Variants in TBX10 observed in about 807,000 individuals in gnomAD.
TBX10 encodes the protein T-box transcription factor 10, also known as T-box transcription factor TBX10.
In TBX10, 26 loss-of-function variants were observed where a neutral mutation model predicts 32.4. The ratio of observed to expected loss-of-function variants is 0.80; its 90% confidence interval spans 0.59 to 1.11. TBX10 has a LOEUF of 1.11. Ranked by LOEUF, TBX10 falls within the 50% of genes most tolerant of loss-of-function variation. The probability of loss-of-function intolerance (pLI) is 0.00; values close to 1 mark genes in which losing one functional copy is unlikely to be tolerated. For synonymous variants in TBX10, 195 were observed against 203.1 expected (o/e 0.96, Z 0.34); for missense variants, 490 against 494.5 (o/e 0.99, Z 0.09).
intron 1 of TBX10, among the ~76,000 whole-genome samples, chr11:67,637,452 T>G (rs1025541731): frequency 6.6e-6 from 1 of 152,222 alleles, no homozygotes; most frequent in African/African-American, 2.4e-5. Flanking sequence ...TAACCTGACG[T>G]GTCCACCCTA....
At chr11:67,636,075 T>C (rs1188392320) in intron 1 of TBX10, among the ~76,000 whole-genome samples, 2 of 44,926 alleles carry the variant, frequency 4.5e-5, no homozygotes, top group Non-Finnish European at 1.4e-4. Context: ...TAGAACTCCT[T>C]TTTTTTTTTT....
chr11:67,631,648 G>C lies in TBX10; in HGVS notation c.1115C>G (p.Ser372Cys). The C allele has an allele frequency of 1.9e-6, 3 of 1,604,970 alleles. No homozygotes were observed. Among genetic ancestry groups the C allele is most frequent in the Non-Finnish European group, 2.5e-6 (3 of 1,177,848 alleles). ...AGGCCCCAGGCACACCACAGTGGGG[G>C]ACAGGAGCCCCAGCCCAGCTGGGAG... ...LPLPAGLGLL[S>C]PTVVCLGPGQ... is the part of the protein sequence containing the mutation. The change falls in exon 8 of 8, where the codon TCC becomes TGC. Residue 372 changes from serine (S) to cysteine (C), a missense_variant. Transcript: ENST00000335385.
In TBX10 at chr11:67,639,665, G is replaced by A. The variant is rs1426581981; in HGVS notation, c.-193C>T. On this transcript the variant is annotated 5_prime_UTR_variant, in exon 1 of 8. In the 5' UTR this introduces an upstream ATG that the reference lacks. Transcript: ENST00000335385. ...CGCCCTTCGTCCACGTCCTGAGGTCGTGGTCTTCCTACTCGAGCTGGACCC... is the reference window on the plus strand; with the variant it reads ...CGCCCTTCGTCCACGTCCTGAGGTCATGGTCTTCCTACTCGAGCTGGACCC... The A allele has an allele frequency of 1.5e-5, 11 of 727,602 alleles. No individual in the cohort carries two copies. Among genetic ancestry groups the A allele is most frequent in the East Asian group, 8.2e-5 (3 of 36,758 alleles). 45.1% of individuals were successfully genotyped at this position (727,602 alleles called of 1,614,324 possible).
Position 67,632,425 on chromosome 11 carries a change from G to T in TBX10, c.774-13C>A. 1 of 1,608,636 alleles carries T rather than the reference G, an allele frequency of 6.2e-7. No homozygotes were observed. Among genetic ancestry groups the T allele is most frequent in the Non-Finnish European group, 8.5e-7 (1 of 1,177,438 alleles). Reference sequence around the variant, plus strand: ...TGGGGCCACAGGCCTGAAAGAGCAAGCGAGAATGGGGGGAGGGGATCAAGG... The same window carrying T: ...TGGGGCCACAGGCCTGAAAGAGCAATCGAGAATGGGGGGAGGGGATCAAGG... On this transcript the variant is annotated splice_polypyrimidine_tract_variant and intron_variant, in intron 6 of 7. Coordinates refer to ENST00000335385, the MANE Select transcript of TBX10 (RefSeq NM_005995.5).
At chr11:67,635,708 G>A (rs1320082431) in intron 1 of TBX10, among the ~76,000 whole-genome samples, 1 of 152,014 alleles carries the variant, frequency 6.6e-6, no homozygotes. Context: ...AGGGGGCAGG[G>A]GTCTTCCCCA....
chr11:67,631,788 G>T lies in TBX10; in HGVS notation c.975C>A (p.Val325=). 1 of 1,599,300 alleles carries T rather than the reference G, an allele frequency of 6.3e-7. No homozygotes were observed. Among genetic ancestry groups the T allele is most frequent in the Non-Finnish European group, 8.5e-7 (1 of 1,173,434 alleles). Residue 325 remains valine (V), a synonymous_variant, in exon 8 of 8, where the codon GTC becomes GTA. Transcript: ENST00000335385. ...CTCCAGAGTACAGGCTCTGATACGT[G>T]ACAGGCCTGTAGGTGGCCGGGGCCA... ...VLLAPATYRP[V]TYQSLYSGAP...
rs1335982182 is a variant in TBX10 at position 67,631,441 on chromosome 11, C to G, written c.*164G>C. ...GTCCTGGTTCCAAGCTTGCCATGGT[C>G]CCAGCCTTGCTGTGACCCTGGGCAG... is the stretch of plus-strand genomic sequence containing the variant. On this transcript the variant is annotated 3_prime_UTR_variant, in exon 8 of 8. Transcript: ENST00000335385. 1.1e-6 allele frequency: 1 copy of G among 881,044 alleles called. No homozygotes were observed. The highest frequency in any genetic ancestry group is 1.7e-5 in the African/African-American group (1 of 59,572). The allele number at this position is 881,044 out of a possible 1,614,324, so 54.6% of individuals were successfully genotyped here. A position where few individuals can be genotyped will look rare whatever the true frequency, so the allele number is the denominator to read the frequency against.
At chr11:67,639,393 T>TTCCCCCCCGCCCCCC in intron 1 of TBX10, 73 bp downstream of exon 1, 1 of 726,926 alleles carries the variant, frequency 1.4e-6, no homozygotes, top group Non-Finnish European at 2.5e-6. Context: ...CTGTCTTGGT[T>TTCCCCCCCGCCCCCC]CCCACCCTGC....
chr11:67,640,688 C>T (rs930234102), upstream of TBX10, among the ~76,000 whole-genome samples: 18 of 152,162 alleles, frequency 1.2e-4, no homozygotes, highest in African/African-American at 3.6e-4. Flanking sequence ...CAGAGTGGGT[C>T]GTCTGGCTGG....
At position 67,632,500 on chromosome 11, in the gene TBX10, A is replaced by G. The variant is rs988518712; in HGVS notation, c.774-88T>C. ...GGCCAGCTTCAGATGGTGGGGCCCCAGGATGGGTCAGAGGGTGTGACCCTG... is the reference window on the plus strand; with the variant it reads ...GGCCAGCTTCAGATGGTGGGGCCCCGGGATGGGTCAGAGGGTGTGACCCTG... On this transcript the variant is annotated intron_variant, in intron 6 of 7. Transcript: ENST00000335385. The G allele has an allele frequency of 3.8e-6, 6 of 1,582,216 alleles. No individual in the cohort carries two copies. The African/African-American group carries it at 8.1e-5, about 21-fold the overall frequency.
At chr11:67,640,115 C>A (rs1453248706), upstream of TBX10, among the ~76,000 whole-genome samples, 1 of 151,956 alleles carries the variant, frequency 6.6e-6, no homozygotes, top group Non-Finnish European at 1.5e-5. Flanking sequence ...CCGGCAGATG[C>A]GCAATTGTCA....
chr11:67,631,625 G>A lies in TBX10; in HGVS notation c.1138C>T (p.Pro380Ser). The A allele has an allele frequency of 1.2e-6, 2 of 1,600,794 alleles. No individual in the cohort carries two copies. The highest frequency in any genetic ancestry group is 1.7e-6 in the Non-Finnish European group (2 of 1,177,180). ...TGGCATCACTGGGAGTCCTGGCCAG[G>A]CCCCAGGCACACCACAGTGGGGGAC... ...LLSPTVVCLG[P>S]GQDSQ The change falls in exon 8 of 8, where the codon CCT becomes TCT. Residue 380 changes from proline to serine, a missense_variant. Pro to Ser is a moderately conservative substitution (Grantham distance 74). Around this residue, in one of 3 missense-constraint regions of TBX10, gnomAD observed 177 missense variants for 176.6 expected, o/e 1.00. Coordinates refer to ENST00000335385, the MANE Select transcript of TBX10 (RefSeq NM_005995.5).
chr11:67,633,364 G>A (rs995363727), intron 4 of TBX10, among the ~76,000 whole-genome samples: 3 of 152,132 alleles, frequency 2.0e-5, no homozygotes, highest in South Asian at 2.1e-4. Flanking sequence ...TCACTGTCGC[G>A]TTCACCAGTT....
chr11:67,632,340 C>G lies in TBX10; in HGVS notation c.846G>C (p.Lys282Asn). 1 of 1,613,438 alleles carries G rather than the reference C, an allele frequency of 6.2e-7. No individual in the cohort carries two copies. Among genetic ancestry groups the G allele is most frequent in the Non-Finnish European group, 8.5e-7 (1 of 1,180,026 alleles). Residue 282 changes from lysine to asparagine, a missense_variant, in exon 7 of 8, where the codon AAG becomes AAC. This residue lies in a region of TBX10 where 177 missense variants were observed against 176.6 expected (regional missense o/e 1.00). Transcript: ENST00000335385. ...TACCTTTCTCCCTGTCTGTGGCACC[C>G]TTCAGCACACAGGGACTGAGGCTGC... Reference protein sequence around the residue: ...SHSSLSPCVLKGATDREKDPN... With the variant: ...SHSSLSPCVLNGATDREKDPN...
Position 67,631,711 on chromosome 11 carries a change from G to T in TBX10, c.1052C>A (p.Pro351His). The change falls in exon 8 of 8, where the codon CCC becomes CAC. Residue 351 changes from proline to histidine, a missense_variant. Physicochemically the swap from Pro to His is moderately conservative, Grantham distance 77. Around this residue, in one of 3 missense-constraint regions of TBX10, gnomAD observed 177 missense variants for 176.6 expected, o/e 1.00. Transcript: ENST00000335385. ...PRTRPAPYPL[P>H]NIRADRDQGG... ...TTGATCCCTATCAGCCCGGATGTTG[G>T]GGAGGGGGTATGGTGCTGGTCGGGT... is the stretch of plus-strand genomic sequence containing the variant. 1 of 1,609,866 alleles carries T rather than the reference G, an allele frequency of 6.2e-7. No individual in the cohort carries two copies. The highest frequency in any genetic ancestry group is 8.5e-7 in the Non-Finnish European group (1 of 1,178,670).
chr11:67,637,322 A>G (rs1391201099), intron 1 of TBX10, among the ~76,000 whole-genome samples: 1 of 150,594 alleles, frequency 6.6e-6, no homozygotes, highest in Non-Finnish European at 1.5e-5. Context: ...AAGAAATAGC[A>G]CTTGAACATA....
At chr11:67,636,166 C>G (rs536491464) in intron 1 of TBX10, among the ~76,000 whole-genome samples, 1 of 148,592 alleles carries the variant, frequency 6.7e-6, no homozygotes, top group Non-Finnish European at 1.5e-5. Context: ...ACTGCAGCCT[C>G]GACCTCCTGG....
chr11:67,639,702 A>G lies in TBX10; in HGVS notation c.-230T>C. ...CTCGAGCTGGACCCCTGGTCTCCGA[A>G]GGTGAGATGCAGGCTCTGGGGCGTG... On this transcript the variant is annotated 5_prime_UTR_variant, in exon 1 of 8. Coordinates refer to ENST00000335385, the MANE Select transcript of TBX10 (RefSeq NM_005995.5). 1 of 641,976 alleles carries G rather than the reference A, an allele frequency of 1.6e-6. No individual in the cohort carries two copies. Among genetic ancestry groups the G allele is most frequent in the Non-Finnish European group, 2.8e-6 (1 of 355,834 alleles). The allele number at this position is 641,976 out of a possible 1,614,324, so 39.8% of individuals were successfully genotyped here.
At chr11:67,639,403 C>CTT in intron 1 of TBX10, 63 bp downstream of exon 1, 1 of 646,480 alleles carries the variant, frequency 1.5e-6, no homozygotes, top group Non-Finnish European at 2.8e-6. Context: ...TCCCACCCTG[C>CTT]CCACCCACCC....
Sources: allele counts gnomAD v4.1 joint callset (sites outside exome capture counted in the v4.1 genomes callset), GRCh38; gene constraint gnomAD v4.1.1; regional missense constraint gnomAD v4.1.1; transcripts MANE v1.5; gene names NCBI Gene and HGNC (gene_info 2026-07-23, HGNC 2026-07-21).